The following CARMIL1 variants were observed in gnomAD, a reference collection of about 807,000 sequenced individuals.
CARMIL1 encodes F-actin-uncapping protein LRRC16A.
A neutral mutation model predicts 177.1 loss-of-function variants in CARMIL1; 90 were observed. The ratio of observed to expected loss-of-function variants is 0.51; its 90% CI spans 0.43 to 0.61. The LOEUF is 0.61. Ranked by LOEUF, CARMIL1 falls within the 20% of genes least tolerant of loss-of-function variation. The probability of loss-of-function intolerance (pLI) is 0.00; values close to 1 mark genes in which losing one functional copy is unlikely to be tolerated. For missense variants in CARMIL1, 1,380 were observed against 1,667.0 expected (o/e 0.83, Z 3.00); for synonymous variants, 577 against 606.2 (o/e 0.95, Z 0.71).
rs1284816103 is a variant in CARMIL1 at position 25,360,023 on chromosome 6, G to A, written c.139-60091G>A. 4.6e-5 allele frequency among the ~76,000 whole-genome samples: 7 copies of A among 152,208 alleles called. No individual in the cohort carries two copies. The East Asian group carries it at 1.3e-3, about 29-fold the overall frequency. ...CTTCTTTCTGCAGTTTGGCAGGCCTGTCACTTCACAGGTGTATCACTGTCC... is the reference window on the plus strand; with the variant it reads ...CTTCTTTCTGCAGTTTGGCAGGCCTATCACTTCACAGGTGTATCACTGTCC... On this transcript the variant is annotated intron_variant, in intron 2 of 36. Transcript: ENST00000329474.
chr6:25,603,566 T>G (rs2151314556), intron 33 of CARMIL1, among the ~76,000 whole-genome samples: 1 of 152,212 alleles, frequency 6.6e-6, no homozygotes, highest in East Asian at 1.9e-4. Context: ...CAAACACAGT[T>G]TAAAGTTAGG....
intron 2 of CARMIL1, among the ~76,000 whole-genome samples, chr6:25,399,451 G>A (rs557467387): frequency 2.6e-5 from 4 of 152,310 alleles, no homozygotes; most frequent in East Asian, 1.9e-4. Flanking sequence ...TATGTTTGGT[G>A]ACTGGATATG....
chr6:25,486,724 C>T (rs1403776056), intron 12 of CARMIL1, among the ~76,000 whole-genome samples: 1 of 152,098 alleles, frequency 6.6e-6, no homozygotes, highest in Admixed American at 6.6e-5. Flanking sequence ...TTTGTTCTTG[C>T]CCCATTGATA....
intron 2 of CARMIL1, among the ~76,000 whole-genome samples, chr6:25,297,621 T>C (rs1451393785): frequency 6.6e-6 from 1 of 152,222 alleles, no homozygotes; most frequent in Non-Finnish European, 1.5e-5. Context: ...GAAAGGCTAT[T>C]AGCACCTTGT....
chr6:25,318,207 G>T (rs80101686), intron 2 of CARMIL1, among the ~76,000 whole-genome samples: 3,595 of 152,202 alleles, frequency 0.024, 60 homozygotes, highest in Non-Finnish European at 0.038. Context: ...ACAGTGGGTT[G>T]GAAGGGGAGC....
At position 25,279,611 on chromosome 6, in the gene CARMIL1, CTTTTT is replaced by C. The variant is rs56103864; in HGVS notation, c.-175_-171del. ...GCAAATCCGCCTCGCATTTGCAACT[CTTTTT>C]TTTTTTTTTGGTGGGGCGGGGGGCG... is the stretch of plus-strand genomic sequence containing the variant. On this transcript the variant is annotated 5_prime_UTR_variant, in exon 1 of 37. Transcript: ENST00000329474. The C allele has an allele frequency of 1.5e-5, 8 of 534,100 alleles. No homozygotes were observed. Among genetic ancestry groups the C allele is most frequent in the South Asian group, 4.8e-5 (2 of 41,356 alleles). 33.1% of individuals were successfully genotyped at this position (534,100 alleles called of 1,614,324 possible). A position where few individuals can be genotyped will look rare whatever the true frequency, so the allele number is the denominator to read the frequency against.
chr6:25,586,287 T>G (rs867113504), intron 31 of CARMIL1, among the ~76,000 whole-genome samples: 1 of 134,608 alleles, frequency 7.4e-6, no homozygotes, highest in Non-Finnish European at 1.6e-5. Context: ...GGGTGGCGGT[T>G]GGGCAGAGAC....
At position 25,329,435 on chromosome 6, in the gene CARMIL1, C is replaced by T. The variant is rs562261616; in HGVS notation, c.138+44526C>T. On this transcript the variant is annotated intron_variant, in intron 2 of 36. Transcript: ENST00000329474. ...GTCCTCAAGGCTGTCGTTTTTTCCACAGAGCCGGCTTTGCTCTTTGACAAA... is the reference window on the plus strand; with the variant it reads ...GTCCTCAAGGCTGTCGTTTTTTCCATAGAGCCGGCTTTGCTCTTTGACAAA... 2.0e-5 allele frequency among the ~76,000 whole-genome samples: 3 copies of T among 152,330 alleles called. No individual in the cohort carries two copies. The South Asian group carries it at 6.2e-4, about 32-fold the overall frequency.
intron 17 of CARMIL1, among the ~76,000 whole-genome samples, chr6:25,508,534 A>G (rs1226149353): frequency 6.6e-6 from 1 of 152,184 alleles, no homozygotes; most frequent in African/African-American, 2.4e-5. Flanking sequence ...CTGTCTCAAA[A>G]AAGTAGGAAT....
chr6:25,616,775 C>T (rs1041842891), intron 36 of CARMIL1, among the ~76,000 whole-genome samples: 3 of 152,168 alleles, frequency 2.0e-5, no homozygotes, highest in Non-Finnish European at 2.9e-5. Context: ...GGAAAACAAA[C>T]GACAAAGAAC....
intron 2 of CARMIL1, among the ~76,000 whole-genome samples, chr6:25,313,587 C>CACA (rs376233006): frequency 0.2 from 29,616 of 148,922 alleles, 3,849 homozygotes; most frequent in East Asian, 0.39. Flanking sequence ...CCAGGGCCAC[C>CACA]GCTAACTAGT....
At chr6:25,537,795 C>A in intron 24 of CARMIL1, 60 bp from the exon 25 acceptor site, 1 of 1,593,784 alleles carries the variant, frequency 6.3e-7, no homozygotes, top group Non-Finnish European at 8.6e-7. Flanking sequence ...TCTGTGTTTC[C>A]TTCTATCTGA....
At chr6:25,451,209 A>G (rs1256335423) in intron 8 of CARMIL1, among the ~76,000 whole-genome samples, 3 of 152,044 alleles carry the variant, frequency 2.0e-5, no homozygotes, top group African/African-American at 4.8e-5. Flanking sequence ...TCCAAAATCC[A>G]GAGTTCGTAG....
intron 17 of CARMIL1, among the ~76,000 whole-genome samples, chr6:25,504,785 A>C (rs976832456): frequency 5.3e-5 from 8 of 152,218 alleles, no homozygotes; most frequent in Non-Finnish European, 1.2e-4. Context: ...TATGGGAGGC[A>C]AAAGAGTGAG....
In CARMIL1 at chr6:25,386,246, T is replaced by TTG. The variant is rs1295305816; in HGVS notation, c.139-33857_139-33856dup. 3.9e-5 allele frequency among the ~76,000 whole-genome samples: 6 copies of TTG among 152,166 alleles called. No homozygotes were observed. In the South Asian group the frequency reaches 6.2e-4, roughly 16 times the overall value. On this transcript the variant is annotated intron_variant, in intron 2 of 36. Coordinates refer to ENST00000329474, the MANE Select transcript of CARMIL1 (RefSeq NM_017640.6). ...GAATTAATTTTGTTGTTTATAATCT[T>TTG]TGTGTGTGTGTGGGGTGGGTGGTGA... is the stretch of plus-strand genomic sequence containing the variant.
intron 2 of CARMIL1, among the ~76,000 whole-genome samples, chr6:25,387,540 T>A (rs914186464): frequency 2.0e-5 from 3 of 152,368 alleles, no homozygotes; most frequent in Non-Finnish European, 4.4e-5. Flanking sequence ...AATAGCAGTA[T>A]ATATTCTGCA....
chr6:25,328,434 A>G (rs1198557700), intron 2 of CARMIL1, among the ~76,000 whole-genome samples: 1 of 152,228 alleles, frequency 6.6e-6, no homozygotes, highest in Non-Finnish European at 1.5e-5. Context: ...CAGTCACTAC[A>G]GAGCATGAGC....
At position 25,491,712 on chromosome 6, in the gene CARMIL1, A is replaced by C. The variant is rs756807236; in HGVS notation, c.1066-20A>C. ...GTGTGTTTCTAGAATCCTAACATTTATCTTTTATTTTTTTTCAAGCACATG... is the reference window on the plus strand; with the variant it reads ...GTGTGTTTCTAGAATCCTAACATTTCTCTTTTATTTTTTTTCAAGCACATG... On this transcript the variant is annotated intron_variant, in intron 13 of 36. Transcript: ENST00000329474. 6.0e-6 allele frequency: 9 copies of C among 1,507,712 alleles called. No individual in the cohort carries two copies. Among genetic ancestry groups the C allele is most frequent in the African/African-American group, 1.4e-5 (1 of 72,084 alleles). The allele number at this position is 1,507,712 out of a possible 1,614,324, so 93.4% of individuals were successfully genotyped here. A position where few individuals can be genotyped will look rare whatever the true frequency, so the allele number is the denominator to read the frequency against.
At position 25,556,726 on chromosome 6, in the gene CARMIL1, A is replaced by G. The variant is rs1275500755; in HGVS notation, c.2618A>G (p.Lys873Arg). The G allele has an allele frequency of 2.5e-6, 4 of 1,613,392 alleles. No homozygotes were observed. In the South Asian group the frequency reaches 3.3e-5, roughly 13 times the overall value. ...GCTGACCATTTCAGCAGACGTGGCA[A>G]GACCCTTCCTCAACAAGAATCCTTA... ...KLADHFSRRG[K>R]TLPQQESLEI... Residue 873 changes from lysine (K) to arginine (R), a missense_variant, in exon 29 of 37, where the codon AAG becomes AGG. Transcript: ENST00000329474.
Sources: gnomAD v4.1 joint callset for allele counts (sites outside exome capture counted in the v4.1 genomes callset) on GRCh38, gnomAD v4.1.1 for gene constraint, MANE v1.5 for transcripts, NCBI Gene and HGNC (gene_info 2026-07-23, HGNC 2026-07-21) for gene names.